KLC2: variants seen among roughly 807,000 people sequenced by gnomAD.
KLC2 encodes the protein kinesin light chain 2.
A neutral mutation model predicts 75.1 loss-of-function variants in KLC2; 35 were observed. The ratio of observed to expected loss-of-function variants is 0.47; its 90% CI spans 0.36 to 0.62. The LOEUF (loss-of-function observed/expected upper bound fraction) is 0.62, where lower values mean the gene tolerates loss of function less well. KLC2 is among the 20% of genes least tolerant of loss of function. The pLI is 0.00. For synonymous variants in KLC2, 314 were observed against 336.7 expected (o/e 0.93, Z 0.74); for missense variants, 611 against 833.2 (o/e 0.73, Z 3.28).
chr11:66,244,437 A>AG, the KLC2 span: 5 of 152,298 alleles, frequency 3.3e-5, no homozygotes, highest in African/African-American at 1.2e-4. Context: ...CCGTGTTCTC[A>AG]GGAGTGGTTG....
chr11:66,267,096 C>A lies in KLC2; in HGVS notation c.*140C>A, dbSNP rs1165409233. 2.0e-6 allele frequency: 3 copies of A among 1,533,262 alleles called. No homozygotes were observed. The African/African-American group carries it at 4.1e-5, about 21-fold the overall frequency. 95.0% of individuals were successfully genotyped at this position (1,533,262 alleles called of 1,614,324 possible). A position where few individuals can be genotyped will look rare whatever the true frequency, so the allele number is the denominator to read the frequency against. On this transcript the variant is annotated 3_prime_UTR_variant, in exon 16 of 16. Coordinates refer to ENST00000394067, the MANE Select transcript of KLC2 (RefSeq NM_001318734.2). ...CTGTTCAATCTCAGGGTAACCTTCT[C>A]CCTTGTCATCTCAGCCTGAGCCCTG...
In KLC2 at chr11:66,267,634, C is replaced by T. The variant is rs377168204; in HGVS notation, c.*678C>T. 1.0e-5 allele frequency: 6 copies of T among 593,782 alleles called. No individual in the cohort carries two copies. The highest frequency in any genetic ancestry group is 3.7e-5 in the African/African-American group (2 of 53,712). The allele number at this position is 593,782 out of a possible 1,614,324, so 36.8% of individuals were successfully genotyped here. A position where few individuals can be genotyped will look rare whatever the true frequency, so the allele number is the denominator to read the frequency against. On this transcript the variant is annotated 3_prime_UTR_variant, in exon 16 of 16. Transcript: ENST00000394067. Reference sequence around the variant, plus strand: ...CACCGCCGGGCCCTGCCCCGCATCCCGGCCTTATGCACTGCCCCTCCCACC... The same window carrying T: ...CACCGCCGGGCCCTGCCCCGCATCCTGGCCTTATGCACTGCCCCTCCCACC...
chr11:66,266,996 A>C lies in KLC2; in HGVS notation c.*40A>C. 6.2e-7 allele frequency: 1 copy of C among 1,606,832 alleles called. No individual in the cohort carries two copies. Among genetic ancestry groups the C allele is most frequent in the Non-Finnish European group, 8.5e-7 (1 of 1,179,526 alleles). On this transcript the variant is annotated 3_prime_UTR_variant, in exon 16 of 16. Transcript: ENST00000394067. ...CCAGTCACCAGAGCGCCCACCTGGC[A>C]CACCCCCCTCACCCCAGCCCTGCGC... is the stretch of plus-strand genomic sequence containing the variant.
Position 66,258,591 on chromosome 11 carries a change from A to G in KLC2, c.-4A>G, listed in dbSNP as rs1419304872. On this transcript the variant is annotated 5_prime_UTR_variant, in exon 2 of 16. Transcript: ENST00000394067. The stretch of plus-strand genomic sequence containing the variant: ...GCACCCTCGTCCTCACAGACGCCAC[A>G]GCCATGGCCATGATGGTGTTTCCGC... The G allele has an allele frequency of 1.2e-6, 2 of 1,606,372 alleles. No homozygotes were observed. The highest frequency in any genetic ancestry group is 1.7e-6 in the Non-Finnish European group (2 of 1,173,768).
At chr11:66,264,541 G>C in intron 9 of KLC2, 97 bp downstream of exon 9, 1 of 924,262 alleles carries the variant, frequency 1.1e-6, no homozygotes, top group Non-Finnish European at 1.7e-6. Context: ...CAGGCCCTCA[G>C]GCTTTGGCCT....
chr11:66,254,664 TAAAAAAAAAA>T (rs34541214), upstream of KLC2, among the ~76,000 whole-genome samples: 1 of 107,888 alleles, frequency 9.3e-6, no homozygotes, highest in Non-Finnish European at 1.8e-5. Context: ...CCTCGGCTCT[TAAAAAAAAAA>T]AAAAAAAAAA....
chr11:66,255,598 G>A (rs191769670), upstream of KLC2, among the ~76,000 whole-genome samples: 31 of 152,270 alleles, frequency 2.0e-4, no homozygotes, highest in South Asian at 4.1e-4. Flanking sequence ...AAATTGACCA[G>A]CTGAAATGGA....
chr11:66,262,052 C>T, intron 3 of KLC2, 71 bp from the exon 4 acceptor site: 1 of 1,582,582 alleles, frequency 6.3e-7, no homozygotes, highest in Non-Finnish European at 8.7e-7. Flanking sequence ...GATTCGGCTC[C>T]ACCCCAGCCC....
chr11:66,264,554 C>G, intron 9 of KLC2, 110 bp downstream of exon 9: 1 of 818,304 alleles, frequency 1.2e-6, no homozygotes, highest in African/African-American at 1.7e-5. Context: ...TTTGGCCTGG[C>G]TGGTCACCAG....
chr11:66,267,365 G>C lies in KLC2; in HGVS notation c.*409G>C. 1 of 730,190 alleles carries C rather than the reference G, an allele frequency of 1.4e-6. No homozygotes were observed. Among genetic ancestry groups the C allele is most frequent in the Non-Finnish European group, 2.5e-6 (1 of 396,838 alleles). 45.2% of individuals were successfully genotyped at this position (730,190 alleles called of 1,614,324 possible). On this transcript the variant is annotated 3_prime_UTR_variant, in exon 16 of 16. Coordinates refer to ENST00000394067, the MANE Select transcript of KLC2 (RefSeq NM_001318734.2). ...TATAGAGAAATAAGTTATTGGCCGC[G>C]CGCCTCCCTTCAGTCCACGGTACTA...
rs1335890640 is a variant in KLC2, at chr11:66,258,535, G to T, written c.-11-49G>T. 8.4e-6 allele frequency: 11 copies of T among 1,303,586 alleles called. No homozygotes were observed. The East Asian group carries it at 2.6e-4, about 30-fold the overall frequency. The allele number at this position is 1,303,586 out of a possible 1,614,324, so 80.8% of individuals were successfully genotyped here. On this transcript the variant is annotated intron_variant, in intron 1 of 15. Coordinates refer to ENST00000394067, the MANE Select transcript of KLC2 (RefSeq NM_001318734.2). ...TTTACCTAATCCGGGGCGGACGGCG[G>T]TGTGGCCCCAGGCCCGGCGCCCGCC...
intron 9 of KLC2, 23 bp from the exon 10 acceptor site, chr11:66,265,000 G>A: frequency 6.2e-7 from 1 of 1,612,374 alleles, no homozygotes; most frequent in South Asian, 1.1e-5. Flanking sequence ...GTAGGCTGGT[G>A]ACAGTCCCCT....
chr11:66,252,354 C>T (rs577661572), upstream of KLC2, among the ~76,000 whole-genome samples: 6 of 152,172 alleles, frequency 3.9e-5, no homozygotes, highest in Admixed American at 6.5e-5. Flanking sequence ...GGCGCGATCT[C>T]GGCTCACCGC....
the KLC2 span, among the ~76,000 whole-genome samples, chr11:66,247,718 A>G: frequency 1.3e-5 from 2 of 151,984 alleles, no homozygotes; most frequent in African/African-American, 4.8e-5. Flanking sequence ...GAAAAGAGGA[A>G]ATGTTTTTCC....
chr11:66,260,362 G>GGGGAACAATCTGCACGGA (rs1856308582), intron 2 of KLC2, among the ~76,000 whole-genome samples: 1 of 152,176 alleles, frequency 6.6e-6, no homozygotes, highest in Non-Finnish European at 1.5e-5. Context: ...TCTCACAGAG[G>GGGGAACAATCTGCACGGA]GGGAACAATC....
At chr11:66,248,249 C>T in the KLC2 span, among the ~76,000 whole-genome samples, 2 of 152,074 alleles carry the variant, frequency 1.3e-5, no homozygotes, top group African/African-American at 4.8e-5. Flanking sequence ...TGCCAGTTTC[C>T]CTTACTGTTA....
chr11:66,266,326 G>T (rs1030813955), intron 14 of KLC2, 107 bp from the exon 15 acceptor site: 2 of 1,487,740 alleles, frequency 1.3e-6, no homozygotes, highest in Non-Finnish European at 1.8e-6. Flanking sequence ...TCCCTCTCAG[G>T]CTCCACCACC....
chr11:66,251,239 C>T, the KLC2 span, among the ~76,000 whole-genome samples: 2 of 82,990 alleles, frequency 2.4e-5, 1 homozygote, highest in Admixed American at 2.0e-4. Context: ...TGCCTGTAAT[C>T]CCAGCACTCT....
the KLC2 span, among the ~76,000 whole-genome samples, chr11:66,249,283 T>C: frequency 2.6e-5 from 4 of 152,284 alleles, no homozygotes; most frequent in Admixed American, 1.3e-4. Flanking sequence ...ATGGATGAGG[T>C]TGACCTGGGC....
Sources: allele counts gnomAD v4.1 joint callset (sites outside exome capture counted in the v4.1 genomes callset), GRCh38; gene constraint gnomAD v4.1.1; transcripts MANE v1.5; gene names NCBI Gene and HGNC (gene_info 2026-07-23, HGNC 2026-07-21).